COL27A1: variants seen among roughly 807,000 people sequenced by gnomAD.
The protein encoded by COL27A1 is collagen alpha-1(XXVII) chain.
A neutral mutation model predicts 251.3 loss-of-function variants in COL27A1; 106 were observed. That is an observed-to-expected ratio of 0.42 (90% CI 0.36 to 0.50). The LOEUF is 0.50. COL27A1 is among the 20% of genes least tolerant of loss of function. COL27A1 has a pLI of 0.00. For missense variants in COL27A1, 2,325 were observed against 2,522.8 expected (o/e 0.92, Z 1.68); for synonymous variants, 1,000 against 986.3 (o/e 1.01, Z -0.26).
chr9:114,275,818 C>A, intron 37 of COL27A1, 50 bp downstream of exon 37: 1 of 1,215,446 alleles, frequency 8.2e-7, no homozygotes, highest in Non-Finnish European at 1.2e-6. Context: ...GTACCCTGAA[C>A]TCTCATGCCT....
rs760433213 is a variant in COL27A1 at position 114,288,994 on chromosome 9, TGCCTCCCACCCTGAGTGGG to T, written c.4152+30_4152+48del. ...TGAGTGGTGCTTCGTGTCCCATCCC[TGCCTCCCACCCTGAGTGGG>T]GCGGAGCAGTGGGAATTAAAGAACT... is the stretch of plus-strand genomic sequence containing the variant. On this transcript the variant is annotated intron_variant, in intron 44 of 60. Transcript: ENST00000356083. 134 of 1,613,010 alleles carry T rather than the reference TGCCTCCCACCCTGAGTGGG, an allele frequency of 8.3e-5. 1 individual carries two copies. The Middle Eastern group carries it at 9.9e-4, about 12-fold the overall frequency.
chr9:114,157,612 C>A (rs1290599415), intron 1 of COL27A1, among the ~76,000 whole-genome samples: 1 of 152,222 alleles, frequency 6.6e-6, no homozygotes, highest in Admixed American at 6.5e-5. Flanking sequence ...CCATCTCTGT[C>A]CAGGGACCCT....
At chr9:114,277,421 G>A (rs1046176565) in intron 37 of COL27A1, among the ~76,000 whole-genome samples, 2 of 152,120 alleles carry the variant, frequency 1.3e-5, no homozygotes, top group African/African-American at 4.8e-5. Context: ...TTGTTACCTA[G>A]GCAAAGCAGC....
chr9:114,164,083 C>G (rs1848672949), intron 2 of COL27A1, among the ~76,000 whole-genome samples: 1 of 152,116 alleles, frequency 6.6e-6, no homozygotes, highest in Admixed American at 6.5e-5. Context: ...GCACAAAGAC[C>G]CCAGAGTCAG....
rs796165491 is a variant in COL27A1, at chr9:114,264,242, G to T, written c.3196-113G>T. 22 of 744,696 alleles carry T rather than the reference G, an allele frequency of 3.0e-5. No homozygotes were observed. The East Asian group carries it at 4.0e-4, about 14-fold the overall frequency. 46.1% of individuals were successfully genotyped at this position (744,696 alleles called of 1,614,324 possible). A position where few individuals can be genotyped will look rare whatever the true frequency, so the allele number is the denominator to read the frequency against. ...GTGTGGGAAGTGGGAGGAGGAGGGG[G>T]CCGGAGCTTGTGCAGGGGAAGGCCC... On this transcript the variant is annotated intron_variant, in intron 28 of 60. Coordinates refer to ENST00000356083, the MANE Select transcript of COL27A1 (RefSeq NM_032888.4).
chr9:114,175,375 G>A (rs1001877945), intron 3 of COL27A1, among the ~76,000 whole-genome samples: 26 of 152,254 alleles, frequency 1.7e-4, no homozygotes, highest in African/African-American at 5.8e-4. Flanking sequence ...AAATGGCAGC[G>A]TTTTTCCACT....
chr9:114,224,461 C>T (rs16927476), intron 14 of COL27A1, among the ~76,000 whole-genome samples: 11,853 of 152,104 alleles, frequency 0.078, 487 homozygotes, highest in East Asian at 0.15. Flanking sequence ...TCAGGCTAAA[C>T]AATTCCCATC....
At position 114,290,516 on chromosome 9, in the gene COL27A1, C is replaced by A. The variant is rs1418637091; in HGVS notation, c.4368+185C>A. On this transcript the variant is annotated intron_variant, in intron 47 of 60. Coordinates refer to ENST00000356083, the MANE Select transcript of COL27A1 (RefSeq NM_032888.4). The surrounding 1 kb of genome is among the most constrained non-coding windows in gnomAD (Gnocchi z 4.6). Reference sequence around the variant, plus strand: ...GCACCTGGGAGTGTGGACCTTCTGACTGTCTCTCCTGGATGCCAGCACCCA... The same window carrying A: ...GCACCTGGGAGTGTGGACCTTCTGAATGTCTCTCCTGGATGCCAGCACCCA... 6.6e-6 allele frequency among the ~76,000 whole-genome samples: 1 copy of A among 152,178 alleles called. No individual in the cohort carries two copies. Among genetic ancestry groups the A allele is most frequent in the Non-Finnish European group, 1.5e-5 (1 of 68,010 alleles).
chr9:114,220,072 T>C (rs1255640033), intron 13 of COL27A1, among the ~76,000 whole-genome samples: 1 of 152,122 alleles, frequency 6.6e-6, no homozygotes, highest in East Asian at 1.9e-4. Context: ...ACTGAGCCCC[T>C]GGGTCCAAAG....
At position 114,279,789 on chromosome 9, in the gene COL27A1, G is replaced by A. The variant is rs184377633; in HGVS notation, c.3718-2488G>A. ...GATCACTTGAGTCCCAGAGGTTGAG[G>A]CTTCAGTGAGCTGAGATTGAGCCAC... On this transcript the variant is annotated intron_variant, in intron 37 of 60. Transcript: ENST00000356083. 1.6e-3 allele frequency among the ~76,000 whole-genome samples: 248 copies of A among 152,174 alleles called. 2 individuals are homozygous for A. The South Asian group carries it at 0.022, about 14-fold the overall frequency.
chr9:114,180,632 G>T (rs941613433), intron 4 of COL27A1, among the ~76,000 whole-genome samples: 1 of 152,176 alleles, frequency 6.6e-6, no homozygotes, highest in East Asian at 1.9e-4. Flanking sequence ...TTAAGGAGGG[G>T]CATTCTTACC....
intron 5 of COL27A1, among the ~76,000 whole-genome samples, chr9:114,187,002 G>A (rs925143419): frequency 5.9e-5 from 9 of 152,232 alleles, no homozygotes; most frequent in Admixed American, 2.0e-4. Flanking sequence ...CTCTTGAGCA[G>A]CCAGCCACCT....
chr9:114,248,681 G>A (rs539783058), intron 24 of COL27A1, among the ~76,000 whole-genome samples: 2 of 152,280 alleles, frequency 1.3e-5, no homozygotes, highest in African/African-American at 2.4e-5. Context: ...CCCCGGGGGG[G>A]TCCCAGGGGT....
chr9:114,198,668 A>G (rs1237221069), intron 7 of COL27A1, among the ~76,000 whole-genome samples: 6 of 152,184 alleles, frequency 3.9e-5, no homozygotes, highest in Non-Finnish European at 1.5e-5. Flanking sequence ...TTCTCAAACA[A>G]GACAGTGTCC....
intron 14 of COL27A1, among the ~76,000 whole-genome samples, chr9:114,227,918 T>C (rs1588704898): frequency 6.6e-6 from 1 of 151,306 alleles, no homozygotes; most frequent in Middle Eastern, 3.4e-3. Context: ...TGGCCTGGAG[T>C]TTTCTTTGTT....
At chr9:114,270,865 ACT>A in intron 36 of COL27A1, 84 bp downstream of exon 36, 2 of 1,035,024 alleles carry the variant, frequency 1.9e-6, no homozygotes, top group East Asian at 2.4e-5. Flanking sequence ...TCCCAGAAAC[ACT>A]GTGTTCCCAT....
At position 114,275,733 on chromosome 9, in the gene COL27A1, G is replaced by A. The variant is rs771695372; in HGVS notation, c.3682G>A (p.Gly1228Arg). The A allele has an allele frequency of 3.2e-6, 5 of 1,549,282 alleles. No individual in the cohort carries two copies. The highest frequency in any genetic ancestry group is 2.4e-5 in the East Asian group (1 of 40,898). Residue 1228 changes from glycine to arginine, a missense_variant, in exon 37 of 61, where the codon GGG (glycine) becomes AGG (arginine). By Grantham distance (125) the Gly-to-Arg change is moderately radical. Around this residue, in one of 4 missense-constraint regions of COL27A1, gnomAD observed 662 missense variants for 795.3 expected, o/e 0.83. Transcript: ENST00000356083. ...CCAGGAAGGGCTGATGGGTGAGGACGGGCCCCCCGGCCCCCCTGGCGTCAC... is the reference window on the plus strand; with the variant it reads ...CCAGGAAGGGCTGATGGGTGAGGACAGGCCCCCCGGCCCCCCTGGCGTCAC... ...KGQEGLMGED[G>R]PPGPPGVTGV...
Position 114,289,314 on chromosome 9 carries a change from C to A in COL27A1, c.4206+19C>A. 1 of 1,564,074 alleles carries A rather than the reference C, an allele frequency of 6.4e-7. No individual in the cohort carries two copies. Among genetic ancestry groups the A allele is most frequent in the Non-Finnish European group, 8.6e-7 (1 of 1,160,030 alleles). Reference sequence around the variant, plus strand: ...CGCAGAGGTAAGAGGGCCGGGGGTTCAGCAGGGAGACTGAGTCCCAGGAAG... The same window carrying A: ...CGCAGAGGTAAGAGGGCCGGGGGTTAAGCAGGGAGACTGAGTCCCAGGAAG... On this transcript the variant is annotated intron_variant, in intron 45 of 60. Transcript: ENST00000356083.
chr9:114,186,306 G>A (rs531098079), intron 5 of COL27A1, among the ~76,000 whole-genome samples: 7 of 152,256 alleles, frequency 4.6e-5, no homozygotes, highest in Non-Finnish European at 1.0e-4. Flanking sequence ...ATGTGTTTCC[G>A]CTTAGAGCGG....
Sources: gnomAD v4.1 joint callset for allele counts (sites outside exome capture counted in the v4.1 genomes callset) on GRCh38, gnomAD v4.1.1 for gene constraint, gnomAD v4.1.1 regional missense constraint, Gnocchi (gnomAD v3.1) non-coding constraint, MANE v1.5 for transcripts, NCBI Gene and HGNC (gene_info 2026-07-23, HGNC 2026-07-21) for gene names.